ITSN1: variants seen among roughly 807,000 people sequenced by gnomAD.
ITSN1 encodes intersectin-1.
A neutral mutation model predicts 239.8 loss-of-function variants in ITSN1; 58 were observed. The observed-to-expected ratio is 0.24, with a 90% CI of 0.20 to 0.30. The LOEUF (loss-of-function observed/expected upper bound fraction) is 0.30. ITSN1 is among the 10% of genes least tolerant of loss of function. ITSN1 has a pLI of 1.00. For synonymous variants in ITSN1, 780 were observed against 770.8 expected (o/e 1.01, Z -0.20); for missense variants, 1,558 against 2,103.3 (o/e 0.74, Z 5.07).
intron 1 of ITSN1, among the ~76,000 whole-genome samples, chr21:33,693,609 G>A (rs1027675606): frequency 1.3e-5 from 2 of 152,066 alleles, no homozygotes; most frequent in African/African-American, 2.4e-5. Context: ...TACCCTCCTC[G>A]ACCTCCCACA....
chr21:33,876,031 T>C (rs1403511155), intron 34 of ITSN1, among the ~76,000 whole-genome samples: 2 of 152,178 alleles, frequency 1.3e-5, no homozygotes, highest in Non-Finnish European at 2.9e-5. Context: ...CCAGAAGTTC[T>C]ATTTATTTTC....
intron 1 of ITSN1, among the ~76,000 whole-genome samples, chr21:33,667,034 T>C (rs1166783880): frequency 2.6e-5 from 4 of 152,076 alleles, no homozygotes; most frequent in Non-Finnish European, 4.4e-5. Flanking sequence ...CCCAGGCTGA[T>C]CTTGAACTCC....
intron 31 of ITSN1, among the ~76,000 whole-genome samples, chr21:33,862,912 G>A (rs750254310): frequency 1.1e-4 from 17 of 151,328 alleles, no homozygotes; most frequent in Non-Finnish European, 2.2e-4. Context: ...GACTTCAGAG[G>A]GTTACAGACA....
chr21:33,721,060 T>G, intron 2 of ITSN1, 118 bp from the exon 3 acceptor site: 1 of 635,284 alleles, frequency 1.6e-6, no homozygotes, highest in Non-Finnish European at 2.8e-6. Flanking sequence ...AGATGTGAAT[T>G]TATCAAGTCT....
chr21:33,763,571 C>T (rs1308337030), intron 9 of ITSN1, among the ~76,000 whole-genome samples: 1 of 152,032 alleles, frequency 6.6e-6, no homozygotes, highest in African/African-American at 2.4e-5. Context: ...GATAGATGTG[C>T]CTTGGGGTAC....
intron 1 of ITSN1, among the ~76,000 whole-genome samples, chr21:33,682,041 G>T (rs965318254): frequency 6.6e-6 from 1 of 150,696 alleles, no homozygotes; most frequent in African/African-American, 2.4e-5. Context: ...TTTCTTGGGG[G>T]TCATTTTGCC....
intron 27 of ITSN1, among the ~76,000 whole-genome samples, chr21:33,829,956 G>A (rs367641060): frequency 1.3e-5 from 2 of 152,184 alleles, no homozygotes; most frequent in African/African-American, 2.4e-5. Context: ...GAGCGCATAC[G>A]AAAACATATC....
intron 5 of ITSN1, among the ~76,000 whole-genome samples, chr21:33,744,458 C>T (rs2067060602): frequency 6.6e-6 from 1 of 152,164 alleles, no homozygotes; most frequent in South Asian, 2.1e-4. Context: ...TTCTCTTCAT[C>T]TATCCATCTA....
chr21:33,873,111 A>G (rs1983034183), intron 33 of ITSN1, among the ~76,000 whole-genome samples: 1 of 152,202 alleles, frequency 6.6e-6, no homozygotes, highest in African/African-American at 2.4e-5. Context: ...CAGATTTTCC[A>G]AAAGGATTCT....
At chr21:33,707,427 A>G (rs905063279) in intron 1 of ITSN1, among the ~76,000 whole-genome samples, 5 of 152,142 alleles carry the variant, frequency 3.3e-5, no homozygotes, top group Non-Finnish European at 5.9e-5. Flanking sequence ...TTAAATGTGT[A>G]TATTTAAAAA....
In ITSN1 at chr21:33,794,322, G is replaced by A. The variant is rs1426212800; in HGVS notation, c.1825-19G>A. On this transcript the variant is annotated intron_variant, in intron 16 of 39. Transcript: ENST00000381318. ...TGTCACTCATGTCGCTACATGAACT[G>A]TTTCTCGGTTAATTATAGGAACTAA... 20 of 1,589,898 alleles carry A rather than the reference G, an allele frequency of 1.3e-5. No individual in the cohort carries two copies. Among genetic ancestry groups the A allele is most frequent in the Non-Finnish European group, 1.6e-5 (19 of 1,162,628 alleles).
intron 20 of ITSN1, among the ~76,000 whole-genome samples, chr21:33,806,249 G>A (rs1174638985): frequency 6.6e-6 from 1 of 151,956 alleles, no homozygotes; most frequent in Non-Finnish European, 1.5e-5. Context: ...TAGGAATTTG[G>A]GGAGAAACCT....
intron 33 of ITSN1, among the ~76,000 whole-genome samples, chr21:33,872,879 A>G (rs575700975): frequency 4.9e-4 from 74 of 152,322 alleles, no homozygotes; most frequent in Non-Finnish European, 2.5e-4. Flanking sequence ...AATTTTGTAC[A>G]TTGTACAATA....
intron 12 of ITSN1, chr21:33,774,488 T>C (rs2069436911): frequency 9.0e-6 from 3 of 334,686 alleles, no homozygotes; most frequent in Non-Finnish European, 1.6e-5. Flanking sequence ...GGGGAAATAA[T>C]CCTGTCATCT....
At position 33,892,370 on chromosome 21, in the gene ITSN1, C is replaced by G. The variant is rs9984514; in HGVS notation, c.*4070C>G. 46,990 of 152,064 alleles carry G rather than the reference C, an allele frequency of 0.31. 7,280 individuals carry two copies. The highest frequency in any genetic ancestry group is 0.34 in the African/African-American group (14,262 of 41,460). The allele number at this position is 152,064 out of a possible 1,614,324, so 9.4% of individuals were successfully genotyped here. ...CTGAAATTCCTGCTAGAGACTTCCC[C>G]TTACTTCCATGAATGGCCCAGGGGC... is the stretch of plus-strand genomic sequence containing the variant. On this transcript the variant is annotated 3_prime_UTR_variant, in exon 40 of 40. Coordinates refer to ENST00000381318, the MANE Select transcript of ITSN1 (RefSeq NM_003024.3).
At chr21:33,689,011 C>T (rs1307070285) in intron 1 of ITSN1, among the ~76,000 whole-genome samples, 1 of 152,014 alleles carries the variant, frequency 6.6e-6, no homozygotes, top group Non-Finnish European at 1.5e-5. Flanking sequence ...TGGGGTTTCA[C>T]CGTCTTGGCT....
At chr21:33,745,391 G>C (rs2067118380) in intron 5 of ITSN1, among the ~76,000 whole-genome samples, 1 of 152,204 alleles carries the variant, frequency 6.6e-6, no homozygotes, top group Non-Finnish European at 1.5e-5. Context: ...TCAGCAGTGA[G>C]ATTTCCGACC....
At chr21:33,715,703 C>T (rs1292504839) in intron 1 of ITSN1, among the ~76,000 whole-genome samples, 1 of 152,176 alleles carries the variant, frequency 6.6e-6, no homozygotes, top group African/African-American at 2.4e-5. Context: ...GTCTTGACTA[C>T]ACTTGTTTTC....
intron 1 of ITSN1, among the ~76,000 whole-genome samples, chr21:33,656,711 A>G (rs1480594126): frequency 1.3e-5 from 2 of 151,682 alleles, no homozygotes; most frequent in Admixed American, 6.6e-5. Context: ...TTATTTATTT[A>G]TTTGTTTATT....
Sources: allele counts gnomAD v4.1 joint callset (sites outside exome capture counted in the v4.1 genomes callset), GRCh38; gene constraint gnomAD v4.1.1; transcripts MANE v1.5; gene names NCBI Gene and HGNC (gene_info 2026-07-23, HGNC 2026-07-21).